RADIL: variants seen among roughly 807,000 people sequenced by gnomAD.
The protein encoded by RADIL is Rap associating with DIL domain.
Under a neutral mutation model 97.6 loss-of-function variants are expected in RADIL, and 99 were observed. The observed-to-expected ratio is 1.01, with a 90% CI of 0.86 to 1.20. The LOEUF (loss-of-function observed/expected upper bound fraction) is 1.20, where lower values mean the gene tolerates loss of function less well. Ranked by LOEUF, RADIL falls within the 50% of genes most tolerant of loss-of-function variation. RADIL has a pLI of 0.00. For synonymous variants in RADIL, 803 were observed against 691.8 expected, an observed-to-expected ratio of 1.16 and a Z score of -2.52; for missense variants, 1,765 against 1,498.9, an observed-to-expected ratio of 1.18 and a Z score of -2.93.
At position 4,805,590 on chromosome 7, in the gene RADIL, C is replaced by G; in HGVS notation, c.2266G>C (p.Asp756His). Residue 756 changes from aspartate to histidine, a missense_variant, in exon 10 of 15, where the codon GAC becomes CAC. Physicochemically the swap from Asp to His is moderately conservative, Grantham distance 81. Coordinates refer to ENST00000399583, the MANE Select transcript of RADIL (RefSeq NM_018059.5). The stretch of plus-strand genomic sequence containing the variant: ...CCTGACCTGAAGGCCTCGGGGCTGT[C>G]CTGGGCCCCTGGCTCCCAGGTGCTC... ...PMSTWEPGAQ[D>H]SPEAFRSEDV... 1 of 1,611,184 alleles carries G rather than the reference C, an allele frequency of 6.2e-7. No individual in the cohort carries two copies. The highest frequency in any genetic ancestry group is 8.5e-7 in the Non-Finnish European group (1 of 1,179,314).
chr7:4,801,594 A>C, intron 12 of RADIL, 59 bp downstream of exon 12: 4 of 1,508,830 alleles, frequency 2.7e-6, no homozygotes, highest in Non-Finnish European at 2.7e-6. Context: ...GGGACCGGCC[A>C]TCAGGGTGCT....
intron 9 of RADIL, among the ~76,000 whole-genome samples, chr7:4,811,661 G>T (rs1384522141): frequency 6.6e-6 from 1 of 151,092 alleles, no homozygotes; most frequent in Non-Finnish European, 1.5e-5. Context: ...CTAATTTTTT[G>T]TATTTTTAGT....
intron 2 of RADIL, among the ~76,000 whole-genome samples, chr7:4,877,267 A>G (rs184262650): frequency 2.0e-5 from 3 of 152,134 alleles, no homozygotes; most frequent in Admixed American, 1.3e-4. Flanking sequence ...TCACAGCGAG[A>G]CTCCTGTCTC....
At chr7:4,863,334 A>C (rs1784064300) in intron 2 of RADIL, among the ~76,000 whole-genome samples, 1 of 152,166 alleles carries the variant, frequency 6.6e-6, no homozygotes, top group African/African-American at 2.4e-5. Flanking sequence ...TTAGTACTCT[A>C]TAACTAATTA....
At chr7:4,860,285 T>G (rs1262995308) in intron 2 of RADIL, 1 of 1,613,790 alleles carries the variant, frequency 6.2e-7, no homozygotes, top group Non-Finnish European at 8.5e-7. Context: ...TTCTGTTGAG[T>G]GTGCTTTCTT....
At chr7:4,825,688 C>T (rs574174965) in intron 5 of RADIL, among the ~76,000 whole-genome samples, 16 of 151,062 alleles carry the variant, frequency 1.1e-4, no homozygotes, top group African/African-American at 3.9e-4. Context: ...CCAGCCTGAC[C>T]AACATGGTGA....
intron 2 of RADIL, among the ~76,000 whole-genome samples, chr7:4,844,318 G>A (rs185572908): frequency 4.6e-5 from 7 of 151,162 alleles, no homozygotes; most frequent in South Asian, 2.1e-4. Context: ...GGTGGCACGC[G>A]CCTGTAGTCC....
chr7:4,846,125 T>TC (rs1366690825), intron 2 of RADIL, among the ~76,000 whole-genome samples: 5 of 30,800 alleles, frequency 1.6e-4, no homozygotes, highest in South Asian at 1.1e-3. Context: ...ACAATCTTCT[T>TC]TTTTTTTTTT....
In RADIL at chr7:4,880,700, C is replaced by G. The variant is rs564800046; in HGVS notation, c.-64-2497G>C. 6.6e-6 allele frequency among the ~76,000 whole-genome samples: 1 copy of G among 152,360 alleles called. No individual in the cohort carries two copies. Among genetic ancestry groups the G allele is most frequent in the East Asian group, 1.9e-4 (1 of 5,186 alleles). ...AAAGTGCAGGTGGTGGATGGTACAG[C>G]CTCTGCCACCAGGCAGCTGTGGCTC... On this transcript the variant is annotated intron_variant, in intron 1 of 14. Transcript: ENST00000399583. This position sits in a 1 kb window ranked among gnomAD's most constrained non-coding sequence, Gnocchi z 4.5.
chr7:4,828,493 T>C (rs1436200369), intron 5 of RADIL, among the ~76,000 whole-genome samples: 1 of 152,198 alleles, frequency 6.6e-6, no homozygotes, highest in East Asian at 1.9e-4. Flanking sequence ...GCACTCCACA[T>C]TAACAGATTA....
Position 4,803,631 on chromosome 7 carries a change from T to C in RADIL, c.2414A>G (p.His805Arg), listed in dbSNP as rs578109505. The change falls in exon 11 of 15, where the codon CAC (histidine) becomes CGC (arginine). Residue 805 changes from histidine to arginine, a missense_variant. Coordinates refer to ENST00000399583, the MANE Select transcript of RADIL (RefSeq NM_018059.5). ...TCTGCTCCGCAGACCCCACAGAAAG[T>C]GGCGGACGTAGAGCAGGTGCTGGTA... Reference protein sequence around the residue: ...SIYQHLLYVRHFLWGLRSRAS... With the variant: ...SIYQHLLYVRRFLWGLRSRAS... The C allele has an allele frequency of 2.8e-5, 43 of 1,549,922 alleles. No individual in the cohort carries two copies. The Middle Eastern group carries it at 5.5e-4, about 20-fold the overall frequency.
In RADIL at chr7:4,849,704, G is replaced by C. The variant is rs957788619; in HGVS notation, c.536-13099C>G. On this transcript the variant is annotated intron_variant, in intron 2 of 14. Coordinates refer to ENST00000399583, the MANE Select transcript of RADIL (RefSeq NM_018059.5). This position sits in a 1 kb window ranked among gnomAD's most constrained non-coding sequence, Gnocchi z 5.4. Reference sequence around the variant, plus strand: ...TCTTGAGGACAAAGAAAATGATACTGTGTGGGGAGTGTGGACAGGGACGGC... The same window carrying C: ...TCTTGAGGACAAAGAAAATGATACTCTGTGGGGAGTGTGGACAGGGACGGC... Among the ~76,000 whole-genome samples, 1 of 152,192 alleles carries C rather than the reference G, an allele frequency of 6.6e-6. No homozygotes were observed. Among genetic ancestry groups the C allele is most frequent in the Non-Finnish European group, 1.5e-5 (1 of 68,032 alleles).
At chr7:4,799,805 C>A (rs561253132) in intron 13 of RADIL, 36 bp from the exon 14 acceptor site, 2 of 1,469,598 alleles carry the variant, frequency 1.4e-6, no homozygotes, top group Non-Finnish European at 9.0e-7. Context: ...CTCCGCAGGC[C>A]CGACTGGCTG....
Position 4,815,635 on chromosome 7 carries a change from C to CG in RADIL, c.1967-186dup, listed in dbSNP as rs1782657599. Among the ~76,000 whole-genome samples the CG allele has an allele frequency of 6.6e-6, 1 of 152,122 alleles. No individual in the cohort carries two copies. Among genetic ancestry groups the CG allele is most frequent in the Non-Finnish European group, 1.5e-5 (1 of 67,998 alleles). On this transcript the variant is annotated intron_variant, in intron 8 of 14. Transcript: ENST00000399583. The surrounding 1 kb of genome is among the most constrained non-coding windows in gnomAD (Gnocchi z 8.0). Reference sequence around the variant, plus strand: ...ACCAGCCTTGAACCCCTCTCTGGAGCGGGGGTACGGTGGGAGGTGAACGTA... The same window carrying CG: ...ACCAGCCTTGAACCCCTCTCTGGAGCGGGGGGTACGGTGGGAGGTGAACGTA...
intron 10 of RADIL, chr7:4,804,120 A>G (rs1458651713): frequency 6.0e-6 from 2 of 334,410 alleles, no homozygotes; most frequent in Non-Finnish European, 1.2e-5. Context: ...GCTGGACGCA[A>G]GCTCCTCCCA....
chr7:4,813,102 T>C lies in RADIL; in HGVS notation c.2139+2176A>G, dbSNP rs1170635545. 2.8e-4 allele frequency among the ~76,000 whole-genome samples: 37 copies of C among 131,866 alleles called. No homozygotes were observed. Among genetic ancestry groups the C allele is most frequent in the African/African-American group, 5.5e-4 (18 of 32,966 alleles). 86.5% of individuals were successfully genotyped at this position (131,866 alleles called of 152,430 possible). The stretch of plus-strand genomic sequence containing the variant: ...TCTCTCTCTCTCTCTCTCTCTCTCT[T>C]TCCTTTCTTTCTTTCTTTTCTTTCT... On this transcript the variant is annotated intron_variant, in intron 9 of 14. Coordinates refer to ENST00000399583, the MANE Select transcript of RADIL (RefSeq NM_018059.5). This position sits in a 1 kb window ranked among gnomAD's most constrained non-coding sequence, Gnocchi z 5.0.
At chr7:4,850,342 A>T (rs1235576276) in intron 2 of RADIL, among the ~76,000 whole-genome samples, 1 of 152,048 alleles carries the variant, frequency 6.6e-6, no homozygotes, top group Non-Finnish European at 1.5e-5. Context: ...TATGGTGGGC[A>T]GAATTCTAAG....
intron 9 of RADIL, among the ~76,000 whole-genome samples, chr7:4,808,437 C>G (rs550739160): frequency 2.9e-4 from 44 of 152,152 alleles, no homozygotes; most frequent in Non-Finnish European, 5.6e-4. Context: ...CTTGAATTGT[C>G]TGTTTCAGGG....
intron 9 of RADIL, among the ~76,000 whole-genome samples, chr7:4,812,163 G>A (rs1173797843): frequency 6.6e-6 from 1 of 152,108 alleles, no homozygotes; most frequent in African/African-American, 2.4e-5. Context: ...TTACAGGTGG[G>A]CGCTACCACA....
Sources: allele counts gnomAD v4.1 joint callset (sites outside exome capture counted in the v4.1 genomes callset), GRCh38; gene constraint gnomAD v4.1.1; non-coding constraint Gnocchi (gnomAD v3.1); transcripts MANE v1.5; gene names NCBI Gene and HGNC (gene_info 2026-07-23, HGNC 2026-07-21).